Variants in CCDC102B observed in about 807,000 individuals in gnomAD.
The protein encoded by CCDC102B is coiled-coil domain containing 102B.
In CCDC102B, 75 loss-of-function variants were observed where a neutral mutation model predicts 57.4. The ratio of observed to expected loss-of-function variants is 1.31; its 90% confidence interval spans 1.08 to 1.58. The LOEUF is 1.58. CCDC102B is among the 40% of genes most tolerant of loss of function. The pLI, the probability that CCDC102B is intolerant of heterozygous loss-of-function variation, is 0.00. For missense variants in CCDC102B, 636 were observed against 582.6 expected (o/e 1.09, Z -0.94); for synonymous variants, 206 against 201.9 (o/e 1.02, Z -0.17).
chr18:68,793,387 C>G (rs554863568), upstream of CCDC102B, among the ~76,000 whole-genome samples: 1 of 151,946 alleles, frequency 6.6e-6, no homozygotes, highest in Admixed American at 6.6e-5. Context: ...AAAAGTTTGT[C>G]GATGACAGGC....
chr18:68,999,036 A>T (rs1044342813), intron 6 of CCDC102B, among the ~76,000 whole-genome samples: 1 of 121,168 alleles, frequency 8.3e-6, no homozygotes, highest in South Asian at 2.7e-4. Context: ...AGAGAGAGAG[A>T]GTCATTATCA....
intron 2 of CCDC102B, among the ~76,000 whole-genome samples, chr18:68,745,528 A>G (rs1442689542): frequency 6.6e-6 from 1 of 152,158 alleles, no homozygotes; most frequent in Non-Finnish European, 1.5e-5. Flanking sequence ...TGTATAATGT[A>G]TAGTGATCAG....
intron 1 of CCDC102B, among the ~76,000 whole-genome samples, chr18:68,816,066 T>C (rs2036460840): frequency 6.6e-6 from 1 of 152,230 alleles, no homozygotes; most frequent in Admixed American, 6.5e-5. Flanking sequence ...GACTTTTTAT[T>C]GTCCAAAGGA....
intron 4 of CCDC102B, among the ~76,000 whole-genome samples, chr18:68,872,574 T>A (rs955125578): frequency 5.3e-5 from 8 of 152,002 alleles, no homozygotes; most frequent in Non-Finnish European, 1.2e-4. Flanking sequence ...CTCTTTTATA[T>A]CTTACATTGG....
At position 68,762,104 on chromosome 18, in the gene CCDC102B, C is replaced by T. The variant is rs186730902; in HGVS notation, c.-67+45510C>T. 3.0e-3 allele frequency among the ~76,000 whole-genome samples: 454 copies of T among 152,188 alleles called. 1 individual carries two copies. Among genetic ancestry groups the T allele is most frequent in the African/African-American group, 0.01 (423 of 41,534 alleles). Reference sequence around the variant, plus strand: ...GTTTCCCTTTCCACAGTTTTTGTTACGCACAGTCAACCATGGTTTGAAAAT... The same window carrying T: ...GTTTCCCTTTCCACAGTTTTTGTTATGCACAGTCAACCATGGTTTGAAAAT... On this transcript the variant is annotated intron_variant, in intron 2 of 3. Transcript: ENST00000578970.
intron 6 of CCDC102B, among the ~76,000 whole-genome samples, chr18:68,973,456 C>G (rs773366536): frequency 1.2e-4 from 19 of 152,086 alleles, no homozygotes; most frequent in Non-Finnish European, 2.8e-4. Context: ...CTTGCTTGTT[C>G]AACAGTGTCT....
chr18:68,771,612 T>C (rs1223466101), intron 2 of CCDC102B, among the ~76,000 whole-genome samples: 2 of 152,194 alleles, frequency 1.3e-5, no homozygotes, highest in African/African-American at 2.4e-5. Context: ...ACCACTTCTC[T>C]GTAAGCGAGG....
chr18:69,010,967 C>G lies in CCDC102B; in HGVS notation c.1297C>G (p.Leu433Val). The change falls in exon 7 of 8, where the codon CTA (leucine) becomes GTA (valine). Residue 433 changes from leucine (L) to valine (V), a missense_variant. Coordinates refer to ENST00000360242, the MANE Select transcript of CCDC102B (RefSeq NM_024781.3). ...LLNLQHAYYK[L>V]NRQYQANIAE... is the part of the protein sequence containing the mutation. ...GAACCTTCAACATGCCTACTATAAA[C>G]TAAACAGACAATACCAGGCAAATAT... 6.2e-7 allele frequency: 1 copy of G among 1,610,086 alleles called. No homozygotes were observed. Among genetic ancestry groups the G allele is most frequent in the Non-Finnish European group, 8.5e-7 (1 of 1,177,700 alleles).
At chr18:68,880,292 C>T (rs866158559) in intron 5 of CCDC102B, among the ~76,000 whole-genome samples, 10 of 152,210 alleles carry the variant, frequency 6.6e-5, no homozygotes, top group Admixed American at 3.3e-4. Context: ...GCTCCGAGTG[C>T]GGGGCCCACC....
chr18:68,766,262 A>T (rs2034467262), intron 2 of CCDC102B, among the ~76,000 whole-genome samples: 1 of 152,212 alleles, frequency 6.6e-6, no homozygotes. Flanking sequence ...TCTGTGGTCC[A>T]TTAGCAGACA....
rs2052047367 is a variant in CCDC102B, at chr18:69,028,310, G to A, written c.1434+17206G>A. 2.0e-5 allele frequency among the ~76,000 whole-genome samples: 3 copies of A among 152,162 alleles called. No homozygotes were observed. The South Asian group carries it at 6.2e-4, about 31-fold the overall frequency. ...GTGAAGGCTAAAATATGAATGAAAG[G>A]TTGGTAAGTTTCAAGACGGAATGAT... On this transcript the variant is annotated intron_variant, in intron 7 of 7. Transcript: ENST00000360242.
chr18:69,002,174 C>T (rs1249474455), intron 6 of CCDC102B, among the ~76,000 whole-genome samples: 1 of 152,118 alleles, frequency 6.6e-6, no homozygotes, highest in Non-Finnish European at 1.5e-5. Flanking sequence ...CTGGGTTGTG[C>T]TATAGCAACA....
chr18:68,763,100 A>AT (rs1276265051), intron 2 of CCDC102B, among the ~76,000 whole-genome samples: 2 of 152,116 alleles, frequency 1.3e-5, no homozygotes, highest in Non-Finnish European at 2.9e-5. Flanking sequence ...TTTACTTACC[A>AT]TTTTATATAG....
rs187838409 is a variant in CCDC102B at position 69,053,911 on chromosome 18, C to A, written c.1435-119C>A. 3.9e-5 allele frequency: 29 copies of A among 748,172 alleles called. No homozygotes were observed. The East Asian group carries it at 6.7e-4, about 17-fold the overall frequency. The allele number at this position is 748,172 out of a possible 1,614,324, so 46.3% of individuals were successfully genotyped here. A position where few individuals can be genotyped will look rare whatever the true frequency, so the allele number is the denominator to read the frequency against. ...TACTTATAGTTTTGTGGTGAGAATA[C>A]TTACAATCTATTCTCTTAGCAATTT... On this transcript the variant is annotated intron_variant, in intron 7 of 7. Coordinates refer to ENST00000360242, the MANE Select transcript of CCDC102B (RefSeq NM_024781.3).
chr18:68,882,563 A>G (rs1319512082), intron 5 of CCDC102B, among the ~76,000 whole-genome samples: 1 of 152,194 alleles, frequency 6.6e-6, no homozygotes, highest in Admixed American at 6.6e-5. Context: ...CATGTAACCA[A>G]TTTATTCATT....
intron 6 of CCDC102B, among the ~76,000 whole-genome samples, chr18:68,910,983 G>T (rs963188419): frequency 6.6e-6 from 1 of 151,954 alleles, no homozygotes; most frequent in African/African-American, 2.4e-5. Context: ...ATACACTGTT[G>T]GTGGGAGTGT....
chr18:68,958,438 G>T (rs2049963103), intron 6 of CCDC102B, among the ~76,000 whole-genome samples: 1 of 152,018 alleles, frequency 6.6e-6, no homozygotes, highest in East Asian at 1.9e-4. Context: ...TGCTTCCCAG[G>T]AATAAATCCC....
chr18:68,866,000 G>T (rs925600143), intron 4 of CCDC102B, among the ~76,000 whole-genome samples: 3 of 151,854 alleles, frequency 2.0e-5, no homozygotes, highest in Admixed American at 6.6e-5. Flanking sequence ...ATTAACAAAA[G>T]AATGATAATT....
At chr18:68,766,574 C>T (rs1361591343) in intron 2 of CCDC102B, among the ~76,000 whole-genome samples, 1 of 152,190 alleles carries the variant, frequency 6.6e-6, no homozygotes, top group Admixed American at 6.6e-5. Flanking sequence ...CTTAATAAGG[C>T]ACTGTGTTTC....
Sources: gnomAD v4.1 joint callset for allele counts (sites outside exome capture counted in the v4.1 genomes callset) on GRCh38, gnomAD v4.1.1 for gene constraint, MANE v1.5 for transcripts, NCBI Gene and HGNC (gene_info 2026-07-23, HGNC 2026-07-21) for gene names.